Variants in KIAA0825 observed in about 807,000 individuals in gnomAD.
KIAA0825 encodes KIAA0825, also known as uncharacterized protein KIAA0825.
Under a neutral mutation model 147.6 loss-of-function variants are expected in KIAA0825, and 119 were observed. That is an observed-to-expected ratio of 0.81 (90% CI 0.69 to 0.94). The LOEUF (loss-of-function observed/expected upper bound fraction) is 0.94. Ranked by LOEUF, KIAA0825 falls within the 40% of genes least tolerant of loss-of-function variation. The probability of loss-of-function intolerance (pLI) is 0.00; values close to 1 mark genes in which losing one functional copy is unlikely to be tolerated. For missense variants in KIAA0825, 1,381 were observed against 1,472.7 expected (o/e 0.94, Z 1.02); for synonymous variants, 470 against 518.1 (o/e 0.91, Z 1.26).
intron 13 of KIAA0825, among the ~76,000 whole-genome samples, chr5:94,447,624 AT>A (rs1291735361): frequency 6.6e-6 from 1 of 152,114 alleles, no homozygotes; most frequent in Non-Finnish European, 1.5e-5. Flanking sequence ...CATGGAGAAC[AT>A]TTTTTGAATG....
intron 20 of KIAA0825, among the ~76,000 whole-genome samples, chr5:94,170,972 G>A (rs755444943): frequency 6.6e-6 from 1 of 152,146 alleles, no homozygotes; most frequent in Non-Finnish European, 1.5e-5. Context: ...GTAAACAGAA[G>A]CATTAAATTA....
intron 2 of KIAA0825, chr5:94,568,861 C>T: frequency 6.3e-6 from 1 of 158,554 alleles, no homozygotes; most frequent in Non-Finnish European, 1.4e-5. Context: ...CCATCATCAC[C>T]TCAACTCAAA....
At chr5:94,235,215 T>C (rs896375332) in intron 20 of KIAA0825, among the ~76,000 whole-genome samples, 9 of 152,148 alleles carry the variant, frequency 5.9e-5, no homozygotes, top group South Asian at 2.1e-4. Context: ...GGCAGCCAGG[T>C]TGTGAATGCA....
chr5:94,561,832 A>C (rs1427250901), intron 2 of KIAA0825, among the ~76,000 whole-genome samples: 3 of 152,204 alleles, frequency 2.0e-5, no homozygotes, highest in Non-Finnish European at 4.4e-5. Flanking sequence ...CTACACTAAT[A>C]ATGTTCTCAG....
rs528355194 is a variant in KIAA0825 at position 94,612,362 on chromosome 5, G to A, written c.-153+6138C>T. 4.0e-4 allele frequency among the ~76,000 whole-genome samples: 61 copies of A among 152,278 alleles called. 1 individual carries two copies. The South Asian group carries it at 8.3e-3, about 21-fold the overall frequency. ...GCAACATGGGATTCCTCTAATACAT[G>A]ACTTTGGCTTTTGGACTCTGCACTG... On this transcript the variant is annotated intron_variant, in intron 1 of 20. Coordinates refer to ENST00000682413, the MANE Select transcript of KIAA0825 (RefSeq NM_001145678.3).
chr5:94,573,000 T>C (rs540092938), intron 2 of KIAA0825, among the ~76,000 whole-genome samples: 5 of 152,094 alleles, frequency 3.3e-5, no homozygotes, highest in African/African-American at 1.2e-4. Context: ...TGAGAACATG[T>C]GCCCAAGGTG....
intron 20 of KIAA0825, among the ~76,000 whole-genome samples, chr5:94,284,825 C>T (rs760037350): frequency 7.9e-5 from 12 of 152,058 alleles, no homozygotes; most frequent in Admixed American, 3.3e-4. Flanking sequence ...CCACCTGTGC[C>T]GTACCCTCTG....
At chr5:94,413,985 G>A (rs1292142092) in intron 15 of KIAA0825, 4 of 152,146 alleles carry the variant, frequency 2.6e-5, no homozygotes, top group Non-Finnish European at 5.9e-5. Context: ...TGATAGGAAG[G>A]TAAGGCACTG....
intron 5 of KIAA0825, among the ~76,000 whole-genome samples, chr5:94,514,459 A>G (rs1263066328): frequency 6.6e-6 from 1 of 152,152 alleles, no homozygotes; most frequent in Non-Finnish European, 1.5e-5. Flanking sequence ...TATGAGTCCA[A>G]CAGAAAAATT....
chr5:94,366,906 C>G lies in KIAA0825; in HGVS notation c.3710+17462G>C, dbSNP rs558253315. Among the ~76,000 whole-genome samples the G allele has an allele frequency of 3.3e-5, 5 of 152,274 alleles. No homozygotes were observed. In the South Asian group the frequency reaches 1.0e-3, roughly 32 times the overall value. On this transcript the variant is annotated intron_variant, in intron 20 of 20. Transcript: ENST00000682413. ...TGTGTCCGGTTTCTACTGGCTGGAA[C>G]GGGACCTCACATTCTGTGTTTGACC...
Position 94,364,858 on chromosome 5 carries a change from G to A in KIAA0825, c.3710+19510C>T, listed in dbSNP as rs117728165. 3.3e-5 allele frequency among the ~76,000 whole-genome samples: 5 copies of A among 152,084 alleles called. No individual in the cohort carries two copies. The East Asian group carries it at 7.7e-4, about 24-fold the overall frequency. The stretch of plus-strand genomic sequence containing the variant: ...CTAACAAAGTGCAGCCTGTAAAATC[G>A]ACCTGCAGACATAGAAAGGCAAACG... On this transcript the variant is annotated intron_variant, in intron 20 of 20. Transcript: ENST00000682413.
chr5:94,607,476 G>T (rs1436468961), intron 1 of KIAA0825, among the ~76,000 whole-genome samples: 1 of 151,942 alleles, frequency 6.6e-6, no homozygotes, highest in East Asian at 1.9e-4. Flanking sequence ...GTGCCTGGTG[G>T]CAGGTACCTA....
At position 94,515,521 on chromosome 5, in the gene KIAA0825, G is replaced by A. The variant is rs1419144693; in HGVS notation, c.970+4727C>T. Among the ~76,000 whole-genome samples, 4 of 152,158 alleles carry A rather than the reference G, an allele frequency of 2.6e-5. No individual in the cohort carries two copies. In the East Asian group the frequency reaches 7.7e-4, roughly 29 times the overall value. On this transcript the variant is annotated intron_variant, in intron 5 of 20. Transcript: ENST00000682413. ...ATATTAGAGAAACTAGCCAGGTGTG[G>A]TGGCTCACTCTTGTAATCCCAGCAC... is the stretch of plus-strand genomic sequence containing the variant.
chr5:94,345,534 A>T (rs548366843), intron 20 of KIAA0825, among the ~76,000 whole-genome samples: 1 of 152,218 alleles, frequency 6.6e-6, no homozygotes, highest in East Asian at 1.9e-4. Context: ...TCTTTCTTTG[A>T]AACTATTTTC....
rs1381060501 is a variant in KIAA0825 at position 94,417,245 on chromosome 5, T to C, written c.2618A>G (p.Tyr873Cys). 1 of 1,551,108 alleles carries C rather than the reference T, an allele frequency of 6.4e-7. No homozygotes were observed. The highest frequency in any genetic ancestry group is 2.0e-5 in the Admixed American group (1 of 50,992). The change falls in exon 15 of 21, where the codon TAC becomes TGC. Residue 873 changes from tyrosine (Y) to cysteine (C), a missense_variant. Physicochemically the swap from Tyr to Cys is radical, Grantham distance 194. Coordinates refer to ENST00000682413, the MANE Select transcript of KIAA0825 (RefSeq NM_001145678.3). Reference protein sequence around the residue: ...PQTFANVFVSYMEEEQLWDFL... With the variant: ...PQTFANVFVSCMEEEQLWDFL... ...GTCCCATAATTGCTCTTCTTCCATG[T>C]AGCTCACAAAAACGTTTGCAAATGT...
Position 94,440,050 on chromosome 5 carries a change from C to G in KIAA0825, c.2429G>C (p.Trp810Ser), listed in dbSNP as rs779725311. 1 of 1,551,700 alleles carries G rather than the reference C, an allele frequency of 6.4e-7. No homozygotes were observed. Among genetic ancestry groups the G allele is most frequent in the South Asian group, 1.2e-5 (1 of 84,060 alleles). Reference protein sequence around the residue: ...KLLLSQPRCNWNLLLETLLHH... With the variant: ...KLLLSQPRCNSNLLLETLLHH... ...CAGTAGGGTTTCCAGAAGCAAGTTCCAGTTACAACGTGGCTGGGATAAGAG... is the reference window on the plus strand; with the variant it reads ...CAGTAGGGTTTCCAGAAGCAAGTTCGAGTTACAACGTGGCTGGGATAAGAG... The change falls in exon 14 of 21, where the codon TGG becomes TCG. Residue 810 changes from tryptophan to serine, a missense_variant. By Grantham distance (177) the Trp-to-Ser change is radical. Coordinates refer to ENST00000682413, the MANE Select transcript of KIAA0825 (RefSeq NM_001145678.3).
chr5:94,580,407 T>C (rs1359786194), intron 2 of KIAA0825, among the ~76,000 whole-genome samples: 2 of 152,188 alleles, frequency 1.3e-5, no homozygotes, highest in Non-Finnish European at 2.9e-5. Context: ...AAATTAAAAC[T>C]AGATTTAACA....
At chr5:94,337,449 A>T (rs1045051329) in intron 20 of KIAA0825, among the ~76,000 whole-genome samples, 5 of 152,206 alleles carry the variant, frequency 3.3e-5, no homozygotes, top group African/African-American at 1.2e-4. Flanking sequence ...TCATTTACAT[A>T]TACTATCGTT....
At chr5:94,322,951 C>T (rs1780333881) in intron 20 of KIAA0825, among the ~76,000 whole-genome samples, 1 of 151,418 alleles carries the variant, frequency 6.6e-6, no homozygotes, top group Non-Finnish European at 1.5e-5. Flanking sequence ...AGAAATTAAG[C>T]TCCTGATTTC....
Sources: gnomAD v4.1 joint callset for allele counts (sites outside exome capture counted in the v4.1 genomes callset) on GRCh38, gnomAD v4.1.1 for gene constraint, MANE v1.5 for transcripts, NCBI Gene and HGNC (gene_info 2026-07-23, HGNC 2026-07-21) for gene names.